Variants in REV3L observed in about 807,000 individuals in gnomAD.
REV3L encodes DNA polymerase zeta catalytic subunit.
REV3L carries 69 observed loss-of-function variants against 299.4 expected under a neutral mutation model. That is an observed-to-expected ratio of 0.23 (90% CI 0.19 to 0.28). The LOEUF is 0.28. Among genes scored for constraint, REV3L ranks in the 10% least tolerant of loss-of-function variants. REV3L has a pLI of 1.00. For synonymous variants in REV3L, 1,238 were observed against 1,271.4 expected, an observed-to-expected ratio of 0.97 and a Z score of 0.56; for missense variants, 3,128 against 3,693.8, an observed-to-expected ratio of 0.85 and a Z score of 3.97.
intron 18 of REV3L, among the ~76,000 whole-genome samples, chr6:111,352,669 T>C (rs758808662): frequency 2.6e-5 from 4 of 152,146 alleles, no homozygotes; most frequent in Non-Finnish European, 5.9e-5. Flanking sequence ...GTCCTTTAAA[T>C]TTAAAAGGAT....
chr6:111,356,963 T>C (rs761594890), intron 18 of REV3L, 51 bp downstream of exon 18: 10 of 985,378 alleles, frequency 1.0e-5, no homozygotes, highest in Middle Eastern at 2.3e-4. Flanking sequence ...TGCAATAGCA[T>C]GAAACGACTC....
intron 1 of REV3L, among the ~76,000 whole-genome samples, chr6:111,459,265 A>AT (rs1475270176): frequency 6.6e-6 from 1 of 152,052 alleles, no homozygotes; most frequent in Non-Finnish European, 1.5e-5. Context: ...ACCTATCACC[A>AT]TATACAAAAA....
chr6:111,428,147 G>C (rs777558531), intron 1 of REV3L, among the ~76,000 whole-genome samples: 3 of 151,820 alleles, frequency 2.0e-5, no homozygotes, highest in Non-Finnish European at 4.4e-5. Flanking sequence ...TGAATGCAAA[G>C]ACACAGATGT....
intron 3 of REV3L, among the ~76,000 whole-genome samples, chr6:111,409,068 TAGTG>T (rs1156427992): frequency 1.3e-5 from 2 of 152,288 alleles, no homozygotes; most frequent in South Asian, 2.1e-4. Context: ...AAGAACAACT[TAGTG>T]AGAAAAGAAA....
chr6:111,313,046 C>T, intron 28 of REV3L: 1 of 227,924 alleles, frequency 4.4e-6, no homozygotes, highest in Non-Finnish European at 8.4e-6. Flanking sequence ...AAATAAAATT[C>T]TAGCTACTCA....
chr6:111,416,397 G>A lies in REV3L; in HGVS notation c.215C>T (p.Pro72Leu), dbSNP rs1287728746. Residue 72 changes from proline (P) to leucine (L), a missense_variant, in exon 2 of 32, where the codon CCA becomes CTA. This residue lies in a region of REV3L where 2,409 missense variants were observed against 2,611.8 expected (regional missense o/e 0.92). Transcript: ENST00000368802. Reference sequence around the variant, plus strand: ...TGCCATCTGAGAAAGATAGCTTTCTGGCTGCTGTCCATAACCATCGTATGG... The same window carrying A: ...TGCCATCTGAGAAAGATAGCTTTCTAGCTGCTGTCCATAACCATCGTATGG... The part of the protein sequence containing the change: ...YVPYDGYGQQ[P>L]ESYLSQMAFS... 17 of 1,613,748 alleles carry A rather than the reference G, an allele frequency of 1.1e-5. No homozygotes were observed. The highest frequency in any genetic ancestry group is 1.3e-5 in the Non-Finnish European group (15 of 1,179,742).
intron 18 of REV3L, among the ~76,000 whole-genome samples, chr6:111,354,552 TGTTTA>T (rs1386537995): frequency 6.6e-6 from 1 of 152,174 alleles, no homozygotes; most frequent in East Asian, 1.9e-4. Context: ...ACCCGGAGGA[TGTTTA>T]GTCTGGAGGA....
chr6:111,362,348 A>C (rs1368432486), intron 16 of REV3L, among the ~76,000 whole-genome samples: 1 of 152,208 alleles, frequency 6.6e-6, no homozygotes, highest in Non-Finnish European at 1.5e-5. Context: ...CCCTCAGTTT[A>C]TGTTAATCTA....
Position 111,388,002 on chromosome 6 carries a change from C to T in REV3L, c.946G>A (p.Val316Ile), listed in dbSNP as rs778759473. 1 of 1,611,310 alleles carries T rather than the reference C, an allele frequency of 6.2e-7. No individual in the cohort carries two copies. Among genetic ancestry groups the T allele is most frequent in the Non-Finnish European group, 8.5e-7 (1 of 1,178,316 alleles). Residue 316 changes from valine to isoleucine, a missense_variant and splice_region_variant, in exon 8 of 32, where the codon GTA (valine) becomes ATA (isoleucine). Transcript: ENST00000368802. ...GATCTATAATAAATAACCACTTACA[C>T]AGAGAAATCATTCTGTTTGAGAATT... ...QEILKQNDFS[V>I]TLSGSVDYSD... is the part of the protein sequence containing the mutation.
chr6:111,396,949 T>C (rs913828994), intron 4 of REV3L, among the ~76,000 whole-genome samples: 1 of 152,146 alleles, frequency 6.6e-6, no homozygotes, highest in Non-Finnish European at 1.5e-5. Context: ...TCTCTGATGA[T>C]CCTCTCTATT....
chr6:111,357,214 A>T, intron 17 of REV3L, 89 bp from the exon 18 acceptor site: 1 of 420,618 alleles, frequency 2.4e-6, no homozygotes, highest in Non-Finnish European at 3.9e-6. Flanking sequence ...TCTACTTTTA[A>T]GTAAAATTGT....
At chr6:111,447,692 G>A (rs1219915782) in intron 1 of REV3L, among the ~76,000 whole-genome samples, 3 of 152,178 alleles carry the variant, frequency 2.0e-5, no homozygotes, top group African/African-American at 7.2e-5. Flanking sequence ...GTGAGGGGCA[G>A]TGATCCAATA....
At chr6:111,307,681 A>T (rs1772476726) in intron 30 of REV3L, 111 bp from the exon 31 acceptor site, 1 of 963,438 alleles carries the variant, frequency 1.0e-6, no homozygotes, top group South Asian at 1.5e-5. Flanking sequence ...TCATTCACTC[A>T]TTCAACAAAT....
In REV3L at chr6:111,333,696, G is replaced by A. The variant is rs17511286; in HGVS notation, c.7681-329C>T. ...TCACCATGTTAGCCAGGCTGGTCTC[G>A]AACTCCTGACCTCAGGTGATCCGCC... On this transcript the variant is annotated intron_variant, in intron 22 of 31. Coordinates refer to ENST00000368802, the MANE Select transcript of REV3L (RefSeq NM_001372078.1). Among the ~76,000 whole-genome samples the A allele has an allele frequency of 6.4e-3, 968 of 151,954 alleles. 6 individuals are homozygous for A. Among genetic ancestry groups the A allele is most frequent in the African/African-American group, 0.022 (905 of 41,452 alleles).
chr6:111,460,163 G>GC (rs1419140331), intron 1 of REV3L: 3 of 152,066 alleles, frequency 2.0e-5, no homozygotes, highest in Non-Finnish European at 4.4e-5. Context: ...AACTAATGGA[G>GC]AAACAGAAAA....
At chr6:111,346,580 C>T (rs1234863629) in intron 20 of REV3L, among the ~76,000 whole-genome samples, 3 of 152,176 alleles carry the variant, frequency 2.0e-5, no homozygotes, top group Non-Finnish European at 1.5e-5. Context: ...AATTCCTGGC[C>T]TCAAAATGTC....
chr6:111,388,968 G>A (rs531753203), intron 7 of REV3L, 138 bp downstream of exon 7: 3 of 618,678 alleles, frequency 4.8e-6, no homozygotes, highest in Non-Finnish European at 8.4e-6. Context: ...GTACAGCAAT[G>A]ACAACAAGAA....
intron 21 of REV3L, among the ~76,000 whole-genome samples, chr6:111,341,038 G>GTTTT (rs1562148667): frequency 3.9e-5 from 3 of 76,460 alleles, no homozygotes; most frequent in Admixed American, 2.9e-4. Context: ...TTTCTCCTCA[G>GTTTT]CTTTTTTTTT....
At chr6:111,421,922 A>G (rs1785409284) in intron 1 of REV3L, among the ~76,000 whole-genome samples, 1 of 152,138 alleles carries the variant, frequency 6.6e-6, no homozygotes, top group Non-Finnish European at 1.5e-5. Flanking sequence ...CTGTCTTTCT[A>G]AATTTTACTC....
Sources: gnomAD v4.1 joint callset for allele counts (sites outside exome capture counted in the v4.1 genomes callset) on GRCh38, gnomAD v4.1.1 for gene constraint, gnomAD v4.1.1 regional missense constraint, MANE v1.5 for transcripts, NCBI Gene and HGNC (gene_info 2026-07-23, HGNC 2026-07-21) for gene names.